Variants in DGKB observed in about 807,000 individuals in gnomAD.
The protein encoded by DGKB is 90 kDa diacylglycerol kinase.
Under a neutral mutation model 114.3 loss-of-function variants are expected in DGKB, and 67 were observed. The observed-to-expected ratio is 0.59, with a 90% CI of 0.48 to 0.72. The LOEUF is 0.72. DGKB is among the 30% of genes least tolerant of loss of function. The probability of loss-of-function intolerance (pLI) is 0.00; values close to 1 mark genes in which losing one functional copy is unlikely to be tolerated. For synonymous variants in DGKB, 398 were observed against 323.1 expected, an observed-to-expected ratio of 1.23 and a Z score of -2.49; for missense variants, 907 against 975.2, an observed-to-expected ratio of 0.93 and a Z score of 0.93.
At chr7:14,856,000 T>G (rs1042582459) in intron 1 of DGKB, among the ~76,000 whole-genome samples, 6 of 29,628 alleles carry the variant, frequency 2.0e-4, no homozygotes, top group African/African-American at 1.7e-3. Flanking sequence ...TATATATATA[T>G]ATACACACAC....
In DGKB at chr7:14,899,893, T is replaced by C. The variant is rs539402407; in HGVS notation, c.-188+2699A>G. 1.2e-4 allele frequency among the ~76,000 whole-genome samples: 18 copies of C among 152,254 alleles called. No homozygotes were observed. The South Asian group carries it at 2.9e-3, about 25-fold the overall frequency. ...TTTAAGTAGCAAAGCAGTTAAGAATTAGAGTTAGTCACATCGAGTGGTAAA... is the reference window on the plus strand; with the variant it reads ...TTTAAGTAGCAAAGCAGTTAAGAATCAGAGTTAGTCACATCGAGTGGTAAA... On this transcript the variant is annotated intron_variant, in intron 1 of 25. Transcript: ENST00000402815.
intron 21 of DGKB, among the ~76,000 whole-genome samples, chr7:14,461,359 G>T (rs990090673): frequency 6.7e-6 from 1 of 150,372 alleles, no homozygotes; most frequent in Non-Finnish European, 1.5e-5. Context: ...TAGACCACTA[G>T]CCAGATGAAT....
chr7:14,199,737 T>A (rs982995285), intron 23 of DGKB, among the ~76,000 whole-genome samples: 3 of 152,050 alleles, frequency 2.0e-5, no homozygotes, highest in Non-Finnish European at 4.4e-5. Context: ...ATTAGGCTAA[T>A]AATTTAATAT....
At chr7:14,313,888 C>G (rs1805929157) in intron 23 of DGKB, among the ~76,000 whole-genome samples, 1 of 152,214 alleles carries the variant, frequency 6.6e-6, no homozygotes. Flanking sequence ...CCCTGTCTGA[C>G]AGCTTTGAAG....
At chr7:14,511,817 A>G (rs141282091) in intron 20 of DGKB, among the ~76,000 whole-genome samples, 3 of 152,184 alleles carry the variant, frequency 2.0e-5, no homozygotes, top group African/African-American at 7.2e-5. Context: ...CCTAATTTCA[A>G]TATTGTGTCT....
chr7:14,483,208 G>A (rs367641981), intron 20 of DGKB, among the ~76,000 whole-genome samples: 119 of 152,148 alleles, frequency 7.8e-4, no homozygotes, highest in African/African-American at 2.7e-3. Context: ...GATTGATATC[G>A]ATTGGAACCA....
At chr7:14,653,864 G>T (rs1441448951) in intron 13 of DGKB, among the ~76,000 whole-genome samples, 3 of 151,732 alleles carry the variant, frequency 2.0e-5, no homozygotes, top group East Asian at 3.9e-4. Context: ...TCAAAAATTG[G>T]ACATAGAATT....
chr7:14,784,636 C>A (rs1273269543), intron 2 of DGKB, among the ~76,000 whole-genome samples: 1 of 152,182 alleles, frequency 6.6e-6, no homozygotes, highest in Non-Finnish European at 1.5e-5. Flanking sequence ...CTCAGCCTCC[C>A]AAAGTGCTGA....
At chr7:14,948,567 G>C (rs1465936367) in intron 1 of DGKB, among the ~76,000 whole-genome samples, 1 of 151,814 alleles carries the variant, frequency 6.6e-6, no homozygotes, top group African/African-American at 2.4e-5. Context: ...AGAAGTTGAA[G>C]TTAAATCTTT....
chr7:14,340,610 C>T (rs1172748806), intron 22 of DGKB, among the ~76,000 whole-genome samples: 2 of 151,230 alleles, frequency 1.3e-5, no homozygotes, highest in Non-Finnish European at 3.0e-5. Flanking sequence ...GAAGGGGGTC[C>T]TCTACAAGCC....
chr7:14,689,450 C>T (rs554937997), intron 9 of DGKB, among the ~76,000 whole-genome samples: 41 of 152,028 alleles, frequency 2.7e-4, no homozygotes, highest in Non-Finnish European at 5.3e-4. Flanking sequence ...GGATTACAGG[C>T]GTGAGCCACC....
intron 23 of DGKB, among the ~76,000 whole-genome samples, chr7:14,274,725 C>T (rs750704518): frequency 6.6e-6 from 1 of 151,996 alleles, no homozygotes. Flanking sequence ...TTTGCGTACA[C>T]TTTCTTCTTG....
At chr7:14,811,927 C>T (rs560989923) in intron 2 of DGKB, among the ~76,000 whole-genome samples, 2 of 152,184 alleles carry the variant, frequency 1.3e-5, no homozygotes, top group East Asian at 3.9e-4. Flanking sequence ...AACCTCTTTA[C>T]TCATCAAACT....
In DGKB at chr7:14,149,254, G is replaced by A. The variant is rs954203247; in HGVS notation, c.2305-16C>T. On this transcript the variant is annotated splice_polypyrimidine_tract_variant and intron_variant, in intron 25 of 25. Coordinates refer to ENST00000402815, the MANE Select transcript of DGKB (RefSeq NM_001350709.2). ...TAATTTTTATCTAGAAAAAAAGAGA[G>A]AGAGAGAGAGAGAAAGAATAGAGTA... 6 of 1,563,114 alleles carry A rather than the reference G, an allele frequency of 3.8e-6. No individual in the cohort carries two copies. The African/African-American group carries it at 7.0e-5, about 18-fold the overall frequency.
chr7:14,751,051 G>A (rs1834053705), intron 4 of DGKB, among the ~76,000 whole-genome samples: 1 of 151,946 alleles, frequency 6.6e-6, no homozygotes, highest in South Asian at 2.1e-4. Context: ...ACCCCCAAAT[G>A]ACTGGCCCAC....
At chr7:14,174,526 T>C (rs1272246792) in intron 25 of DGKB, among the ~76,000 whole-genome samples, 1 of 152,194 alleles carries the variant, frequency 6.6e-6, no homozygotes, top group African/African-American at 2.4e-5. Context: ...AGAGTATTCA[T>C]GGACGCTAGT....
chr7:14,339,379 A>ATAG (rs200303785), intron 22 of DGKB, among the ~76,000 whole-genome samples: 1 of 29,660 alleles, frequency 3.4e-5, no homozygotes, highest in Non-Finnish European at 5.7e-5. Context: ...ATTGAGGGAA[A>ATAG]TAGTAGCAGT....
intron 21 of DGKB, among the ~76,000 whole-genome samples, chr7:14,402,959 G>A (rs796681813): frequency 3.3e-5 from 5 of 151,986 alleles, no homozygotes; most frequent in African/African-American, 9.6e-5. Context: ...CTAGCCAGCT[G>A]TCTTGCCCTG....
intron 21 of DGKB, among the ~76,000 whole-genome samples, chr7:14,383,568 G>T (rs762356907): frequency 1.3e-5 from 2 of 152,144 alleles, no homozygotes; most frequent in Non-Finnish European, 2.9e-5. Flanking sequence ...TCCAATGTGT[G>T]GTTTCTAACC....
Sources: allele counts gnomAD v4.1 joint callset (sites outside exome capture counted in the v4.1 genomes callset), GRCh38; gene constraint gnomAD v4.1.1; transcripts MANE v1.5; gene names NCBI Gene and HGNC (gene_info 2026-07-23, HGNC 2026-07-21).